Variants in HYI observed in about 807,000 individuals in gnomAD.
HYI encodes putative hydroxypyruvate isomerase.
In HYI, 47 loss-of-function variants were observed where a neutral mutation model predicts 39.7. The ratio of observed to expected loss-of-function variants is 1.18; its 90% CI spans 0.94 to 1.51. HYI has a LOEUF of 1.51. HYI is among the 40% of genes most tolerant of loss of function. The pLI is 0.00. For synonymous variants in HYI, 186 were observed against 158.8 expected, an observed-to-expected ratio of 1.17 and a Z score of -1.29; for missense variants, 465 against 370.3, an observed-to-expected ratio of 1.26 and a Z score of -2.10.
rs771956008 is a variant in HYI at position 43,452,958 on chromosome 1, C to A, written c.311+428G>T. On this transcript the variant is annotated intron_variant, in intron 2 of 7. Transcript: ENST00000372430. ...ACCAGGCCTCCTCTTGCCACAGCAC[C>A]CTTGCAAGGAACACTCAACTTCCTG... 11 of 1,609,690 alleles carry A rather than the reference C, an allele frequency of 6.8e-6. No individual in the cohort carries two copies. In the South Asian group the frequency reaches 1.1e-4, roughly 16 times the overall value.
At position 43,452,300 on chromosome 1, in the gene HYI, G is replaced by C; in HGVS notation, c.331C>G (p.Arg111Gly). ...ATTCGATCAGCTCCCTGGGGTACTC[G>C]GCCAGCCATCAGGTGGATCCTGTGG... ...GCPRIHLMAG[R>G]VPQGADRIAV... The change falls in exon 3 of 8, where the codon CGA (arginine) becomes GGA (glycine). Residue 111 changes from arginine (R) to glycine (G), a missense_variant. Transcript: ENST00000372430. The C allele has an allele frequency of 6.2e-7, 1 of 1,613,918 alleles. No individual in the cohort carries two copies.
Position 43,451,269 on chromosome 1 carries a change from T to C in HYI, c.803A>G (p.Asp268Gly), listed in dbSNP as rs1052485033. 1 of 1,614,052 alleles carries C rather than the reference T, an allele frequency of 6.2e-7. No individual in the cohort carries two copies. The highest frequency in any genetic ancestry group is 8.5e-7 in the Non-Finnish European group (1 of 1,180,014). ...EGLSWLRSYW[D>G]RRGHPEAGQ The stretch of plus-strand genomic sequence containing the variant: ...GCCAGCCTCTGGGTGGCCCCGCCTA[T>C]CCCAGTATGAACGTAGCCAACTCAA... The change falls in exon 8 of 8, where the codon GAT becomes GGT. Residue 268 changes from aspartate (D) to glycine (G), a missense_variant. Coordinates refer to ENST00000372430, the MANE Select transcript of HYI (RefSeq NM_001190880.3).
intron 2 of HYI, 198 bp from the exon 3 acceptor site, chr1:43,452,517 CAG>C: frequency 3.0e-6 from 2 of 674,186 alleles, no homozygotes; most frequent in Non-Finnish European, 5.5e-6. Context: ...CCAGACATCT[CAG>C]TGTCCACCCA....
At chr1:43,450,617 CTA>C (rs1336480919), downstream of HYI, 115 of 1,335,184 alleles carry the variant, frequency 8.6e-5, no homozygotes, top group Middle Eastern at 1.9e-4. This position sits in a 1 kb window ranked among gnomAD's most constrained non-coding sequence, Gnocchi z 4.3. Flanking sequence ...GGCTTTGTAA[CTA>C]TGTCTTGAGG....
Position 43,451,082 on chromosome 1 carries a change from G to A in HYI, c.*156C>T, listed in dbSNP as rs1030569264. 1.2e-6 allele frequency: 1 copy of A among 835,024 alleles called. No homozygotes were observed. Among genetic ancestry groups the A allele is most frequent in the Non-Finnish European group, 2.1e-6 (1 of 483,700 alleles). 51.7% of individuals were successfully genotyped at this position (835,024 alleles called of 1,614,324 possible). ...CAACCCTGGCACTGGCTTCTCAATG[G>A]GAGGGAAGCAGCAGAGAAACTGAAG... On this transcript the variant is annotated 3_prime_UTR_variant, in exon 8 of 8. Transcript: ENST00000372430.
At position 43,453,400 on chromosome 1, in the gene HYI, G is replaced by A. The variant is rs556116001; in HGVS notation, c.297C>T (p.Ala99=). The change falls in exon 2 of 8, where the codon GCC becomes GCT. Residue 99 remains alanine (A), a synonymous_variant. Coordinates refer to ENST00000372430, the MANE Select transcript of HYI (RefSeq NM_001190880.3). ...GAGCGGGGTACCTGGGACAGCCCAG[G>A]GCTTTGGCATACCGCACGGCCTGCT... is the stretch of plus-strand genomic sequence containing the variant. ...GLEQAVRYAK[A]LGCPRIHLMA... is the part of the protein sequence containing the mutation. 6.6e-4 allele frequency: 1,025 copies of A among 1,555,408 alleles called. 8 individuals carry two copies. The highest frequency in any genetic ancestry group is 1.8e-5 in the Non-Finnish European group (21 of 1,148,714).
At chr1:43,453,534 A>C (rs1259583902) in intron 1 of HYI, 37 bp from the exon 2 acceptor site, 13 of 1,524,396 alleles carry the variant, frequency 8.5e-6, no homozygotes, top group Non-Finnish European at 1.1e-5. Flanking sequence ...CGGCTCGGAC[A>C]CTCCCCTGCC....
At chr1:43,450,613 G>T (rs1294110763), downstream of HYI, 13 of 1,353,256 alleles carry the variant, frequency 9.6e-6, no homozygotes, top group Admixed American at 2.1e-5. The surrounding 1 kb of genome is among the most constrained non-coding windows in gnomAD (Gnocchi z 4.3). Flanking sequence ...CAAAGGCTTT[G>T]TAACTATGTC....
In HYI at chr1:43,453,910, G is replaced by A. The variant is rs1656757904; in HGVS notation, c.-117C>T. On this transcript the variant is annotated 5_prime_UTR_variant, in exon 1 of 8. Transcript: ENST00000372430. ...CTGGCCCTGCGAACGAACGAGCACTGTTCGTGGTTAGAAAAGCGAAGTGCT... is the reference window on the plus strand; with the variant it reads ...CTGGCCCTGCGAACGAACGAGCACTATTCGTGGTTAGAAAAGCGAAGTGCT... 2.6e-5 allele frequency: 32 copies of A among 1,210,822 alleles called. No homozygotes were observed. The highest frequency in any genetic ancestry group is 3.2e-5 in the African/African-American group (2 of 63,046). The allele number at this position is 1,210,822 out of a possible 1,614,324, so 75.0% of individuals were successfully genotyped here.
chr1:43,451,452 C>A lies in HYI; in HGVS notation c.718G>T (p.Glu240Ter), dbSNP rs370109141. 6.2e-7 allele frequency: 1 copy of A among 1,614,028 alleles called. No homozygotes were observed. The change falls in exon 7 of 8, where the codon GAA becomes TAA. Residue 240 changes from glutamate to a stop codon, truncating the protein, a stop_gained. Transcript: ENST00000372430. LOFTEE classifies it high-confidence loss of function. ...FPYLFQLLED[E>*]GYKGFVGCEY... ...CAGCCCACGAAGCCTTTGTAGCCTT[C>A]ATCTTCCAGCAGTTGAAACAGATAG...
At chr1:43,452,413 C>T in intron 2 of HYI, 94 bp from the exon 3 acceptor site, 1 of 963,552 alleles carries the variant, frequency 1.0e-6, no homozygotes, top group Non-Finnish European at 1.6e-6. Context: ...GTCCGTCTCC[C>T]CAGGTCTCCA....
In HYI at chr1:43,453,477, T is replaced by C. The variant is rs1656673634; in HGVS notation, c.220A>G (p.Met74Val). 2 of 1,559,890 alleles carry C rather than the reference T, an allele frequency of 1.3e-6. No individual in the cohort carries two copies. Among genetic ancestry groups the C allele is most frequent in the Admixed American group, 1.8e-5 (1 of 54,498 alleles). Residue 74 changes from methionine (M) to valine (V), a missense_variant, in exon 2 of 8, where the codon ATG becomes GTG. Met to Val is a conservative substitution (Grantham distance 21). Transcript: ENST00000372430. ...TPPGDQEKGE[M>V]GLGAVPGRQA... ...CTCCCGGGGACGGCCCCCAGCCCCA[T>C]TTCCCCCTTCTCTTGGTCTCCTGCA...
At position 43,452,242 on chromosome 1, in the gene HYI, A is replaced by C; in HGVS notation, c.389T>G (p.Leu130Arg). 1 of 1,613,960 alleles carries C rather than the reference A, an allele frequency of 6.2e-7. No homozygotes were observed. Among genetic ancestry groups the C allele is most frequent in the South Asian group, 1.1e-5 (1 of 91,038 alleles). Residue 130 changes from leucine to arginine, a missense_variant, in exon 3 of 8, where the codon CTG (leucine) becomes CGG (arginine). Leu to Arg is a moderately radical substitution (Grantham distance 102, BLOSUM62 -2). Coordinates refer to ENST00000372430, the MANE Select transcript of HYI (RefSeq NM_001190880.3). Reference protein sequence around the residue: ...AVKAEMEAVFLENLRHAAGVL... With the variant: ...AVKAEMEAVFRENLRHAAGVL... ...CCCAGCTGCATGCCTCAGGTTCTCC[A>C]GAAAAACGGCCTCCATCTCAGCCTT...
In HYI at chr1:43,453,637, G is replaced by T; in HGVS notation, c.157C>A (p.Arg53=). 6.7e-7 allele frequency: 1 copy of T among 1,491,746 alleles called. No individual in the cohort carries two copies. 92.4% of individuals were successfully genotyped at this position (1,491,746 alleles called of 1,614,324 possible). A position where few individuals can be genotyped will look rare whatever the true frequency, so the allele number is the denominator to read the frequency against. Residue 53 remains arginine, a synonymous_variant, in exon 1 of 8, where the codon CGA becomes AGA. Coordinates refer to ENST00000372430, the MANE Select transcript of HYI (RefSeq NM_001190880.3). Reference sequence around the variant, plus strand: ...AGTACAAGCCGCAGCCCCGCTTCTCGCGCGGCGCGCGCCAGCGCCTCAGGC... The same window carrying T: ...AGTACAAGCCGCAGCCCCGCTTCTCTCGCGGCGCGCGCCAGCGCCTCAGGC... ...ETPEALARAA[R]EAGLRLVLIN...
At position 43,451,726 on chromosome 1, in the gene HYI, G is replaced by A; in HGVS notation, c.556-9C>T. On this transcript the variant is annotated splice_polypyrimidine_tract_variant and intron_variant, in intron 5 of 7. Coordinates refer to ENST00000372430, the MANE Select transcript of HYI (RefSeq NM_001190880.3). ...TGCCAGTGGAATATGTCCTAGGGAA[G>A]AGGATACTACATTCCGAGACCCCGC... The A allele has an allele frequency of 1.9e-6, 3 of 1,614,050 alleles. No homozygotes were observed. The highest frequency in any genetic ancestry group is 2.2e-5 in the East Asian group (1 of 44,880).
At chr1:43,450,791 G>A (rs758595142), downstream of HYI, 5 of 709,992 alleles carry the variant, frequency 7.0e-6, no homozygotes, top group South Asian at 6.9e-5. The surrounding 1 kb of genome is among the most constrained non-coding windows in gnomAD (Gnocchi z 4.3). Context: ...GTTCACACAG[G>A]GTGGCAAACA....
intron 2 of HYI, 70 bp downstream of exon 2, chr1:43,453,316 C>T: frequency 1.0e-6 from 1 of 997,522 alleles, no homozygotes; most frequent in East Asian, 2.7e-5. Context: ...TCAGATCTGG[C>T]GTCCTCGACT....
chr1:43,453,798 G>A lies in HYI; in HGVS notation c.-5C>T. On this transcript the variant is annotated 5_prime_UTR_variant, in exon 1 of 8. Coordinates refer to ENST00000372430, the MANE Select transcript of HYI (RefSeq NM_001190880.3). The stretch of plus-strand genomic sequence containing the variant: ...GGAGAAGCGCAGCGGCGCCATGCCT[G>A]GGGAGGCCGGGCCGGGCGGAGTCCG... The A allele has an allele frequency of 7.9e-7, 1 of 1,265,036 alleles. No individual in the cohort carries two copies. The highest frequency in any genetic ancestry group is 9.9e-7 in the Non-Finnish European group (1 of 1,007,934). The allele number at this position is 1,265,036 out of a possible 1,614,324, so 78.4% of individuals were successfully genotyped here.
In HYI at chr1:43,453,649, C is replaced by A. The variant is rs1311944640; in HGVS notation, c.145G>T (p.Ala49Ser). Residue 49 changes from alanine (A) to serine (S), a missense_variant, in exon 1 of 8, where the codon GCG becomes TCG. Physicochemically the swap from Ala to Ser is moderately conservative, Grantham distance 99 (BLOSUM62 1). Transcript: ENST00000372430. ...AGCCCCGCTTCTCGCGCGGCGCGCG[C>A]CAGCGCCTCAGGCGTCTCCGCGTAC... ...WPYAETPEALARAAREAGLRL... is the reference protein window; with the variant it reads ...WPYAETPEALSRAAREAGLRL... 1 of 1,491,234 alleles carries A rather than the reference C, an allele frequency of 6.7e-7. No individual in the cohort carries two copies. The highest frequency in any genetic ancestry group is 8.9e-7 in the Non-Finnish European group (1 of 1,127,864). The allele number at this position is 1,491,234 out of a possible 1,614,324, so 92.4% of individuals were successfully genotyped here. A position where few individuals can be genotyped will look rare whatever the true frequency, so the allele number is the denominator to read the frequency against.
Sources: allele counts gnomAD v4.1 joint callset, GRCh38; gene constraint gnomAD v4.1.1; non-coding constraint Gnocchi (gnomAD v3.1); transcripts MANE v1.5; gene names NCBI Gene and HGNC (gene_info 2026-07-23, HGNC 2026-07-21).